Variants in WNK2 observed in about 807,000 individuals in gnomAD.
WNK2 encodes serine/threonine-protein kinase WNK2.
WNK2 carries 67 observed loss-of-function variants against 192.1 expected under a neutral mutation model. That is an observed-to-expected ratio of 0.35 (90% CI 0.29 to 0.43). The LOEUF (loss-of-function observed/expected upper bound fraction) is 0.43, where lower values mean the gene tolerates loss of function less well. Ranked by LOEUF, WNK2 falls within the 20% of genes least tolerant of loss-of-function variation. The pLI is 1.00. For synonymous variants in WNK2, 1,439 were observed against 1,393.9 expected (o/e 1.03, Z -0.72); for missense variants, 2,698 against 3,089.7 (o/e 0.87, Z 3.01).
intron 2 of WNK2, among the ~76,000 whole-genome samples, chr9:93,207,267 C>T (rs1833564875): frequency 6.6e-6 from 1 of 152,206 alleles, no homozygotes; most frequent in South Asian, 2.1e-4. Flanking sequence ...ATATCCTTTA[C>T]CTTGTTCTAA....
At chr9:93,217,631 T>G (rs1227778278) in intron 2 of WNK2, among the ~76,000 whole-genome samples, 1 of 152,206 alleles carries the variant, frequency 6.6e-6, no homozygotes, top group Non-Finnish European at 1.5e-5. Context: ...GCTTTACCCT[T>G]CCATGGTCCT....
At chr9:93,302,671 G>C (rs1480106542) in intron 26 of WNK2, among the ~76,000 whole-genome samples, 2 of 152,208 alleles carry the variant, frequency 1.3e-5, no homozygotes, top group Non-Finnish European at 2.9e-5. Flanking sequence ...AGGTGGCTGT[G>C]CCCAGGGATA....
At chr9:93,298,176 TC>T in intron 24 of WNK2, 109 bp downstream of exon 24, 1 of 1,178,178 alleles carries the variant, frequency 8.5e-7, no homozygotes, top group Non-Finnish European at 1.2e-6. Flanking sequence ...GGAAGACCAC[TC>T]GGGGTTATCT....
intron 2 of WNK2, among the ~76,000 whole-genome samples, chr9:93,192,709 G>A (rs1022504118): frequency 1.3e-4 from 20 of 152,348 alleles, no homozygotes; most frequent in African/African-American, 4.6e-4. Flanking sequence ...CCGAGTTTTA[G>A]GTGCTAAGAC....
chr9:93,214,365 A>G (rs1835318557), intron 2 of WNK2, among the ~76,000 whole-genome samples: 4 of 152,176 alleles, frequency 2.6e-5, no homozygotes, highest in Admixed American at 6.5e-5. Flanking sequence ...ATGCAGTGGC[A>G]TGATCTCGGC....
In WNK2 at chr9:93,257,774, C is replaced by T. The variant is rs1468495985; in HGVS notation, c.2382+635C>T. ...AGCCCAGCCAGCAAGGCTCGACTCA[C>T]ACAGCTGAAGTGACTTCTGCTGTCT... On this transcript the variant is annotated intron_variant, in intron 11 of 29. Coordinates refer to ENST00000427277, the MANE Select transcript of WNK2 (RefSeq NM_006648.4). This position sits in a 1 kb window ranked among gnomAD's most constrained non-coding sequence, Gnocchi z 4.7. 1.3e-5 allele frequency among the ~76,000 whole-genome samples: 2 copies of T among 152,222 alleles called. No homozygotes were observed. Among genetic ancestry groups the T allele is most frequent in the African/African-American group, 4.8e-5 (2 of 41,460 alleles).
At chr9:93,253,372 C>G (rs1842859257) in intron 9 of WNK2, among the ~76,000 whole-genome samples, 1 of 151,334 alleles carries the variant, frequency 6.6e-6, no homozygotes, top group African/African-American at 2.4e-5. Flanking sequence ...GAAAACAGAC[C>G]CCAGGGCACC....
chr9:93,243,292 G>A (rs1020955434), intron 7 of WNK2, among the ~76,000 whole-genome samples: 97 of 152,278 alleles, frequency 6.4e-4, no homozygotes, highest in African/African-American at 2.3e-3. Flanking sequence ...CGGAGACTTG[G>A]CCTCCCTGCC....
intron 29 of WNK2, chr9:93,318,726 G>A (rs938802488): frequency 2.6e-5 from 38 of 1,439,268 alleles, no homozygotes; most frequent in African/African-American, 1.1e-4. Context: ...CATGCAGACC[G>A]CTCTCCCGTC....
intron 2 of WNK2, among the ~76,000 whole-genome samples, chr9:93,206,376 G>GC (rs1408723581): frequency 2.6e-5 from 4 of 152,166 alleles, no homozygotes; most frequent in Non-Finnish European, 5.9e-5. Flanking sequence ...CCCCTTCACC[G>GC]CCCTGGCCTT....
At chr9:93,284,415 A>T (rs923753300) in intron 19 of WNK2, among the ~76,000 whole-genome samples, 1 of 152,234 alleles carries the variant, frequency 6.6e-6, no homozygotes, top group Non-Finnish European at 1.5e-5. Context: ...TAATTCGAAT[A>T]AATTTATTCA....
chr9:93,273,965 A>C (rs1378738299), intron 19 of WNK2, among the ~76,000 whole-genome samples: 2 of 152,198 alleles, frequency 1.3e-5, no homozygotes, highest in African/African-American at 4.8e-5. Context: ...TTAGAGGGAA[A>C]TTTATAGTAC....
chr9:93,297,064 C>G (rs1055139714), intron 23 of WNK2, among the ~76,000 whole-genome samples: 2 of 146,280 alleles, frequency 1.4e-5, no homozygotes, highest in Non-Finnish European at 3.0e-5. Flanking sequence ...CCGCATCTTC[C>G]CCTCCACATC....
rs1321875847 is a variant in WNK2, at chr9:93,259,207, C to T, written c.2659C>T (p.Leu887=). The T allele has an allele frequency of 1.9e-6, 3 of 1,613,028 alleles. No homozygotes were observed. The South Asian group carries it at 3.3e-5, about 18-fold the overall frequency. The change falls in exon 12 of 30, where the codon CTG becomes TTG. Residue 887 remains leucine, a synonymous_variant. Transcript: ENST00000427277. This position sits in a 1 kb window ranked among gnomAD's most constrained non-coding sequence, Gnocchi z 4.8. ...VPNAPATIPL[L]AVAPPGVAAL... is the part of the protein sequence containing the mutation. ...AAATGCACCGGCCACTATCCCCCTG[C>T]TGGCCGTAGCCCCACCGGGCGTGGC...
At chr9:93,236,399 C>T (rs972590233) in intron 5 of WNK2, among the ~76,000 whole-genome samples, 1 of 152,230 alleles carries the variant, frequency 6.6e-6, no homozygotes, top group Non-Finnish European at 1.5e-5. Flanking sequence ...CCCCACCCTC[C>T]TCCCTGACCT....
chr9:93,318,418 G>A (rs781389210), intron 29 of WNK2: 45 of 1,613,960 alleles, frequency 2.8e-5, no homozygotes, highest in African/African-American at 5.3e-5. Flanking sequence ...GCTGAGAGAC[G>A]GCGGGACGCT....
At chr9:93,275,935 C>A (rs1228325240) in intron 19 of WNK2, among the ~76,000 whole-genome samples, 3 of 152,032 alleles carry the variant, frequency 2.0e-5, no homozygotes, top group Non-Finnish European at 4.4e-5. Flanking sequence ...TACAAAGTAC[C>A]GATGAAATGA....
At chr9:93,293,652 C>T (rs1849740156) in intron 23 of WNK2, among the ~76,000 whole-genome samples, 1 of 152,092 alleles carries the variant, frequency 6.6e-6, no homozygotes, top group Non-Finnish European at 1.5e-5. Flanking sequence ...GTCTCCCACT[C>T]AGAGTCCTCT....
chr9:93,291,528 G>A (rs374667343), intron 21 of WNK2, among the ~76,000 whole-genome samples: 5 of 152,156 alleles, frequency 3.3e-5, no homozygotes, highest in Admixed American at 3.3e-4. Flanking sequence ...TGTTACATAC[G>A]GCTTGGGGAC....
Sources: allele counts gnomAD v4.1 joint callset (sites outside exome capture counted in the v4.1 genomes callset), GRCh38; gene constraint gnomAD v4.1.1; non-coding constraint Gnocchi (gnomAD v3.1); transcripts MANE v1.5; gene names NCBI Gene and HGNC (gene_info 2026-07-23, HGNC 2026-07-21).